RASGRF2: variants seen among roughly 807,000 people sequenced by gnomAD.
RASGRF2 encodes the protein ras-specific guanine nucleotide-releasing factor 2.
RASGRF2 carries 76 observed loss-of-function variants against 151.0 expected under a neutral mutation model. That is an observed-to-expected ratio of 0.50 (90% CI 0.42 to 0.61). RASGRF2 has a LOEUF of 0.61. Among genes scored for constraint, RASGRF2 ranks in the 20% least tolerant of loss-of-function variants. The probability of loss-of-function intolerance (pLI) is 0.00; values close to 1 mark genes in which losing one functional copy is unlikely to be tolerated. For synonymous variants in RASGRF2, 504 were observed against 566.5 expected (o/e 0.89, Z 1.57); for missense variants, 1,148 against 1,564.6 (o/e 0.73, Z 4.49).
intron 2 of RASGRF2, among the ~76,000 whole-genome samples, chr5:81,057,171 T>G (rs534861101): frequency 6.6e-6 from 1 of 152,222 alleles, no homozygotes; most frequent in East Asian, 1.9e-4. Context: ...GATCCTGTCA[T>G]TATGATGTTA....
intron 1 of RASGRF2, among the ~76,000 whole-genome samples, chr5:81,030,911 C>A (rs1168574455): frequency 6.6e-6 from 1 of 152,096 alleles, no homozygotes; most frequent in Non-Finnish European, 1.5e-5. Context: ...ACCCATCTCA[C>A]GTGCAGAGAC....
At chr5:81,045,348 A>G (rs1411203142) in intron 2 of RASGRF2, among the ~76,000 whole-genome samples, 1 of 152,218 alleles carries the variant, frequency 6.6e-6, no homozygotes, top group African/African-American at 2.4e-5. Context: ...ATCTTGGTGA[A>G]CCAAACACAA....
chr5:81,034,010 A>G (rs1214303747), intron 1 of RASGRF2, among the ~76,000 whole-genome samples: 2 of 152,214 alleles, frequency 1.3e-5, no homozygotes, highest in African/African-American at 4.8e-5. Context: ...ACACTTCTCA[A>G]AAGAAGACAT....
At chr5:81,020,875 G>A (rs1749802643) in intron 1 of RASGRF2, among the ~76,000 whole-genome samples, 2 of 152,228 alleles carry the variant, frequency 1.3e-5, no homozygotes, top group South Asian at 2.1e-4. Context: ...TCAGTCCTAC[G>A]AGGTACTTAG....
At chr5:80,990,932 A>G (rs1580173797) in intron 1 of RASGRF2, among the ~76,000 whole-genome samples, 1 of 152,232 alleles carries the variant, frequency 6.6e-6, no homozygotes, top group African/African-American at 2.4e-5. Flanking sequence ...TGTAGGTCAT[A>G]GGAGTTTGTC....
At chr5:81,075,734 A>G (rs1359905077) in intron 5 of RASGRF2, among the ~76,000 whole-genome samples, 1 of 152,240 alleles carries the variant, frequency 6.6e-6, no homozygotes, top group African/African-American at 2.4e-5. Flanking sequence ...GTGAGATGCT[A>G]TTAGCCATCT....
chr5:81,112,892 G>C (rs775275613), intron 14 of RASGRF2, 34 bp downstream of exon 14: 1 of 1,612,670 alleles, frequency 6.2e-7, no homozygotes, highest in Non-Finnish European at 8.5e-7. Context: ...CCTGTCATTC[G>C]CATATGGCCC....
chr5:80,988,068 T>C (rs1296737518), intron 1 of RASGRF2, among the ~76,000 whole-genome samples: 3 of 149,772 alleles, frequency 2.0e-5, no homozygotes, highest in Non-Finnish European at 4.4e-5. Flanking sequence ...TCTTCTTCTT[T>C]AAGACAGAGT....
Position 81,019,653 on chromosome 5 carries a change from A to T in RASGRF2, c.289-23224A>T, listed in dbSNP as rs1395154697. On this transcript the variant is annotated intron_variant, in intron 1 of 26. Transcript: ENST00000265080. ...CAAATAGTAATATGTGTGGAGCAGC[A>T]TTTTTTTTAGAAATTATTTTTCTGC... 6 of 152,138 alleles carry T rather than the reference A, an allele frequency of 3.9e-5. No homozygotes were observed. The East Asian group carries it at 1.2e-3, about 29-fold the overall frequency. 9.4% of individuals were successfully genotyped at this position (152,138 alleles called of 1,614,324 possible). A position where few individuals can be genotyped will look rare whatever the true frequency, so the allele number is the denominator to read the frequency against.
chr5:81,140,988 T>TG (rs1022220681), intron 17 of RASGRF2, among the ~76,000 whole-genome samples: 7 of 93,014 alleles, frequency 7.5e-5, no homozygotes, highest in East Asian at 5.7e-4. Context: ...GTGTTTTCTC[T>TG]GGTTTTTTTT....
At chr5:81,126,963 G>T (rs1464580220) in intron 16 of RASGRF2, 111 bp from the exon 17 acceptor site, 1 of 1,125,432 alleles carries the variant, frequency 8.9e-7, no homozygotes, top group Middle Eastern at 2.0e-4. Context: ...AGATAATACA[G>T]GGCATTTGGC....
chr5:80,996,471 T>TTTCTTCTTCTTCTTCTTCTTCTTCTTC lies in RASGRF2; in HGVS notation c.288+35452_288+35478dup, dbSNP rs530555928. Among the ~76,000 whole-genome samples the TTTCTTCTTCTTCTTCTTCTTCTTCTTC allele has an allele frequency of 1.6e-3, 63 of 38,342 alleles. 11 individuals are homozygous for TTTCTTCTTCTTCTTCTTCTTCTTCTTC. Among genetic ancestry groups the TTTCTTCTTCTTCTTCTTCTTCTTCTTC allele is most frequent in the East Asian group, 5.7e-3 (10 of 1,762 alleles). 25.2% of individuals were successfully genotyped at this position (38,342 alleles called of 152,430 possible). A position where few individuals can be genotyped will look rare whatever the true frequency, so the allele number is the denominator to read the frequency against. On this transcript the variant is annotated intron_variant, in intron 1 of 26. Transcript: ENST00000265080. ...CAGGATACTTGGAAAATGTGTAAAGTTTCTTCTTCTTCTTCTTCTTCTTCT... is the reference window on the plus strand; with the variant it reads ...CAGGATACTTGGAAAATGTGTAAAGTTTCTTCTTCTTCTTCTTCTTCTTCTTCTTCTTCTTCTTCTTCTTCTTCTTCT...
At chr5:81,144,668 G>C (rs968551650) in intron 17 of RASGRF2, among the ~76,000 whole-genome samples, 4 of 152,136 alleles carry the variant, frequency 2.6e-5, no homozygotes, top group African/African-American at 9.7e-5. Flanking sequence ...TGACAACAGT[G>C]ATTTAGAGTT....
chr5:81,177,308 C>T lies in RASGRF2; in HGVS notation c.2687-2867C>T, dbSNP rs1255749998. Among the ~76,000 whole-genome samples, 6 of 152,156 alleles carry T rather than the reference C, an allele frequency of 3.9e-5. No individual in the cohort carries two copies. In the East Asian group the frequency reaches 1.2e-3, roughly 29 times the overall value. ...TACTCTGCCAAGAACACATCATCACCATCCTCTGACAGAATTAAAATGTCC... is the reference window on the plus strand; with the variant it reads ...TACTCTGCCAAGAACACATCATCACTATCCTCTGACAGAATTAAAATGTCC... On this transcript the variant is annotated intron_variant, in intron 17 of 26. Transcript: ENST00000265080.
chr5:81,011,022 T>C (rs557494893), intron 1 of RASGRF2, among the ~76,000 whole-genome samples: 1 of 151,368 alleles, frequency 6.6e-6, no homozygotes, highest in South Asian at 2.1e-4. Context: ...TTCACATCTT[T>C]ACTGCACATA....
intron 17 of RASGRF2, among the ~76,000 whole-genome samples, chr5:81,169,114 T>A (rs1337211341): frequency 6.6e-6 from 1 of 152,202 alleles, no homozygotes; most frequent in East Asian, 1.9e-4. Flanking sequence ...GATCATTAGA[T>A]GTCTAGAGGC....
intron 18 of RASGRF2, among the ~76,000 whole-genome samples, chr5:81,191,058 C>T (rs953135070): frequency 4.6e-5 from 7 of 152,192 alleles, no homozygotes; most frequent in East Asian, 1.9e-4. Flanking sequence ...CTGGAGACTG[C>T]GGCATGCAAC....
chr5:81,025,728 A>G (rs1580218953), intron 1 of RASGRF2, among the ~76,000 whole-genome samples: 1 of 152,236 alleles, frequency 6.6e-6, no homozygotes, highest in African/African-American at 2.4e-5. Flanking sequence ...CTTTGGCTAC[A>G]TTGCCCGTTA....
At chr5:80,985,299 G>T (rs1275899424) in intron 1 of RASGRF2, among the ~76,000 whole-genome samples, 2 of 152,206 alleles carry the variant, frequency 1.3e-5, no homozygotes, top group Non-Finnish European at 2.9e-5. Flanking sequence ...CTTTGATGGG[G>T]AAGATTGGGG....
Sources: allele counts gnomAD v4.1 joint callset (sites outside exome capture counted in the v4.1 genomes callset), GRCh38; gene constraint gnomAD v4.1.1; transcripts MANE v1.5; gene names NCBI Gene and HGNC (gene_info 2026-07-23, HGNC 2026-07-21).